The following RCBTB2 variants were observed in gnomAD, a reference collection of about 807,000 sequenced individuals.
RCBTB2 encodes RCC1 and BTB domain containing protein 2.
Under a neutral mutation model 65.4 loss-of-function variants are expected in RCBTB2, and 55 were observed. The observed-to-expected ratio is 0.84, with a 90% CI of 0.68 to 1.05. The LOEUF (loss-of-function observed/expected upper bound fraction) is 1.05. Ranked by LOEUF, RCBTB2 falls within the 50% of genes least tolerant of loss-of-function variation. The pLI, the probability that RCBTB2 is intolerant of heterozygous loss-of-function variation, is 0.00. For missense variants in RCBTB2, 599 were observed against 680.1 expected (o/e 0.88, Z 1.33); for synonymous variants, 220 against 255.2 (o/e 0.86, Z 1.31).
chr13:48,522,030 C>G, intron 3 of RCBTB2, 68 bp from the exon 4 acceptor site: 1 of 1,311,444 alleles, frequency 7.6e-7, no homozygotes, highest in Non-Finnish European at 1.1e-6. Context: ...GTTAAAATTA[C>G]TTTACTTCTA....
intron 6 of RCBTB2, among the ~76,000 whole-genome samples, chr13:48,513,582 A>G (rs1029764133): frequency 2.0e-5 from 3 of 152,174 alleles, no homozygotes; most frequent in African/African-American, 7.2e-5. Flanking sequence ...CTGGTTTACT[A>G]ATTTTACTAA....
intron 1 of RCBTB2, among the ~76,000 whole-genome samples, chr13:48,525,267 T>A (rs1309002018): frequency 1.3e-5 from 2 of 150,496 alleles, no homozygotes. Context: ...GTAACATGCA[T>A]AATGGACAGC....
At chr13:48,502,430 G>A (rs1233662819) in intron 11 of RCBTB2, among the ~76,000 whole-genome samples, 1 of 151,628 alleles carries the variant, frequency 6.6e-6, no homozygotes, top group African/African-American at 2.4e-5. Flanking sequence ...GGGCTGAAGG[G>A]TACAGCGAGT....
intron 4 of RCBTB2, among the ~76,000 whole-genome samples, chr13:48,518,472 A>AATATATATATATATAT (rs779789935): frequency 1.7e-5 from 2 of 116,620 alleles, no homozygotes; most frequent in African/African-American, 7.5e-5. Flanking sequence ...AAAAAAAAAA[A>AATATATATATATATAT]ATATATATAT....
rs7334590 is a variant in RCBTB2, at chr13:48,511,772, T to G, written c.781A>C (p.Arg261=). ...ACACAAACTGACAGTGGACGTACCC[T>G]CTGGACACGGATGCCTTGCAAAGCT... The part of the protein sequence containing the change: ...VAALQGIRVQ[R]VACGYAHTLV... Residue 261 remains arginine (R), a splice_region_variant and synonymous_variant, in exon 9 of 15, where the codon AGG becomes CGG. Transcript: ENST00000344532. 3,251 of 1,613,842 alleles carry G rather than the reference T, an allele frequency of 2.0e-3. 55 individuals are homozygous for G. In the African/African-American group the frequency reaches 0.039, roughly 19 times the overall value.
intron 14 of RCBTB2, among the ~76,000 whole-genome samples, chr13:48,491,210 C>T (rs1949683062): frequency 6.6e-6 from 1 of 152,076 alleles, no homozygotes; most frequent in Non-Finnish European, 1.5e-5. Context: ...CTTCTTTAGA[C>T]ATAAATTATA....
intron 1 of RCBTB2, chr13:48,532,547 A>G (rs1003444191): frequency 3.5e-4 from 57 of 165,130 alleles, no homozygotes; most frequent in Non-Finnish European, 7.0e-4. Flanking sequence ...TTCAGGCAGG[A>G]CGCTCCCTCG....
intron 14 of RCBTB2, among the ~76,000 whole-genome samples, chr13:48,493,336 C>CTCTCTCTA: frequency 6.9e-6 from 1 of 144,706 alleles, no homozygotes; most frequent in Admixed American, 6.8e-5. Context: ...CTCTCTCTCT[C>CTCTCTCTA]TCTCTTCTCT....
At chr13:48,499,905 ACAAT>A (rs1311437343) in intron 12 of RCBTB2, 145 bp from the exon 13 acceptor site, 1 of 959,906 alleles carries the variant, frequency 1.0e-6, no homozygotes, top group Non-Finnish European at 1.5e-6. Context: ...GGGTTTTCAA[ACAAT>A]CATCTATTCA....
In RCBTB2 at chr13:48,496,165, G is replaced by T. The variant is rs376730128; in HGVS notation, c.1515+26C>A. The T allele has an allele frequency of 4.9e-5, 69 of 1,421,730 alleles. No homozygotes were observed. The African/African-American group carries it at 9.7e-4, about 20-fold the overall frequency. 88.1% of individuals were successfully genotyped at this position (1,421,730 alleles called of 1,614,324 possible). ...CTGGGTTCCATTTCTCCAGGAGGCCGGCAGCTGGAAGCAAGCTTTCCTTAC... is the reference window on the plus strand; with the variant it reads ...CTGGGTTCCATTTCTCCAGGAGGCCTGCAGCTGGAAGCAAGCTTTCCTTAC... On this transcript the variant is annotated intron_variant, in intron 14 of 14. Transcript: ENST00000344532.
At chr13:48,533,868 T>C (rs538984562), upstream of RCBTB2, among the ~76,000 whole-genome samples, 18 of 152,338 alleles carry the variant, frequency 1.2e-4, no homozygotes, top group African/African-American at 4.3e-4. Context: ...TCCTGTGAAG[T>C]AAGCTACTTG....
intron 4 of RCBTB2, among the ~76,000 whole-genome samples, chr13:48,517,053 A>C (rs1233210540): frequency 6.6e-6 from 1 of 152,202 alleles, no homozygotes; most frequent in African/African-American, 2.4e-5. Context: ...CTATCCACTT[A>C]CCTTCTACAG....
At chr13:48,533,923 G>A (rs1280397248), upstream of RCBTB2, among the ~76,000 whole-genome samples, 1 of 152,210 alleles carries the variant, frequency 6.6e-6, no homozygotes, top group African/African-American at 2.4e-5. Flanking sequence ...CCTCTACAGT[G>A]TAGAGCCAAA....
In RCBTB2 at chr13:48,489,068, C is replaced by T. The variant is rs1949598303; in HGVS notation, c.*1043G>A. The T allele has an allele frequency of 6.6e-6, 1 of 152,168 alleles. No homozygotes were observed. Among genetic ancestry groups the T allele is most frequent in the Non-Finnish European group, 1.5e-5 (1 of 68,036 alleles). The allele number at this position is 152,168 out of a possible 1,614,324, so 9.4% of individuals were successfully genotyped here. The stretch of plus-strand genomic sequence containing the variant: ...TTACATTACATGACATTGTGAGATA[C>T]ACATTAGAAGAATCTGAGACTATGT... On this transcript the variant is annotated 3_prime_UTR_variant, in exon 15 of 15. Transcript: ENST00000344532.
In RCBTB2 at chr13:48,489,381, A is replaced by G. The variant is rs1245034347; in HGVS notation, c.*730T>C. ...ATTATGTAAGGCAGATCAGCCCAGG[A>G]ATTTCATTCAAAGATAATACTTCAT... On this transcript the variant is annotated 3_prime_UTR_variant, in exon 15 of 15. Coordinates refer to ENST00000344532, the MANE Select transcript of RCBTB2 (RefSeq NM_001268.4). 1 of 152,254 alleles carries G rather than the reference A, an allele frequency of 6.6e-6. No homozygotes were observed. The highest frequency in any genetic ancestry group is 1.9e-4 in the East Asian group (1 of 5,204). 9.4% of individuals were successfully genotyped at this position (152,254 alleles called of 1,614,324 possible). A position where few individuals can be genotyped will look rare whatever the true frequency, so the allele number is the denominator to read the frequency against.
rs1311500107 is a variant in RCBTB2 at position 48,522,310 on chromosome 13, T to C, written c.-26A>G. The stretch of plus-strand genomic sequence containing the variant: ...ATAAGGAAAAATAAATTTTAGACCT[T>C]TGTCAACTTTTCTCTGGGATTGGAA... On this transcript the variant is annotated splice_region_variant and 5_prime_UTR_variant, in exon 3 of 15. Transcript: ENST00000344532. 1.3e-6 allele frequency: 2 copies of C among 1,519,424 alleles called. No homozygotes were observed. Among genetic ancestry groups the C allele is most frequent in the Non-Finnish European group, 1.8e-6 (2 of 1,132,336 alleles). The allele number at this position is 1,519,424 out of a possible 1,614,324, so 94.1% of individuals were successfully genotyped here.
At chr13:48,502,945 C>G (rs367868760) in intron 10 of RCBTB2, 31 bp from the exon 11 acceptor site, 3 of 1,515,088 alleles carry the variant, frequency 2.0e-6, no homozygotes, top group Non-Finnish European at 2.6e-6. Context: ...CACATAAGCA[C>G]AGTGACCGGG....
At chr13:48,507,537 A>G (rs999273185) in intron 10 of RCBTB2, among the ~76,000 whole-genome samples, 2 of 152,142 alleles carry the variant, frequency 1.3e-5, no homozygotes, top group Admixed American at 1.3e-4. Flanking sequence ...GGAATGATCA[A>G]CAACAACTGC....
intron 10 of RCBTB2, among the ~76,000 whole-genome samples, chr13:48,506,757 T>A (rs761111975): frequency 1.3e-5 from 2 of 152,254 alleles, no homozygotes; most frequent in African/African-American, 4.8e-5. Context: ...ATGAACAATG[T>A]GAAGATAAGC....
Sources: gnomAD v4.1 joint callset for allele counts (sites outside exome capture counted in the v4.1 genomes callset) on GRCh38, gnomAD v4.1.1 for gene constraint, MANE v1.5 for transcripts, NCBI Gene and HGNC (gene_info 2026-07-23, HGNC 2026-07-21) for gene names.